Variants in NFIA observed in about 807,000 individuals in gnomAD.
NFIA encodes nuclear factor 1 A-type.
NFIA carries 8 observed loss-of-function variants against 62.8 expected under a neutral mutation model. The observed-to-expected ratio is 0.13, with a 90% CI of 0.07 to 0.23. The LOEUF (loss-of-function observed/expected upper bound fraction) is 0.23, where lower values mean the gene tolerates loss of function less well. Among genes scored for constraint, NFIA ranks in the 10% least tolerant of loss-of-function variants. The probability of loss-of-function intolerance (pLI) is 1.00; values close to 1 mark genes in which losing one functional copy is unlikely to be tolerated. For synonymous variants in NFIA, 235 were observed against 238.1 expected (o/e 0.99, Z 0.12); for missense variants, 410 against 642.1 (o/e 0.64, Z 3.91).
upstream of NFIA, chr1:61,077,660 C>A: frequency 1.4e-6 from 2 of 1,392,418 alleles, no homozygotes; most frequent in Middle Eastern, 1.9e-4. Flanking sequence ...TTCTATTTTG[C>A]ATTTATATGA....
chr1:61,121,541 G>A (rs545324329), intron 2 of NFIA, among the ~76,000 whole-genome samples: 4 of 152,230 alleles, frequency 2.6e-5, no homozygotes, highest in Admixed American at 2.0e-4. Flanking sequence ...TCTGGAATCA[G>A]TTTTTACTTC....
intron 3 of NFIA, among the ~76,000 whole-genome samples, chr1:61,284,048 C>G (rs531533297): frequency 6.6e-6 from 1 of 152,286 alleles, no homozygotes; most frequent in Non-Finnish European, 1.5e-5. Flanking sequence ...GCATGACTTT[C>G]TTTTACAATT....
chr1:61,182,215 GAGGA>G (rs1200227769), intron 2 of NFIA, among the ~76,000 whole-genome samples: 1 of 152,162 alleles, frequency 6.6e-6, no homozygotes, highest in Admixed American at 6.5e-5. Flanking sequence ...AGGGCAGCAG[GAGGA>G]AGCATCTTAG....
upstream of NFIA, among the ~76,000 whole-genome samples, chr1:61,081,314 C>A (rs905416339): frequency 1.3e-5 from 2 of 151,358 alleles, no homozygotes; most frequent in Non-Finnish European, 2.9e-5. Flanking sequence ...CTAAAAACCA[C>A]CCCCCTCTTT....
chr1:61,381,361 A>G (rs1664405086), intron 6 of NFIA, among the ~76,000 whole-genome samples: 1 of 152,130 alleles, frequency 6.6e-6, no homozygotes, highest in Admixed American at 6.5e-5. Flanking sequence ...ACCTTAGGTT[A>G]GGTTATCTTA....
intron 10 of NFIA, among the ~76,000 whole-genome samples, chr1:61,445,167 T>C (rs149392920): frequency 6.6e-6 from 1 of 152,348 alleles, no homozygotes; most frequent in East Asian, 1.9e-4. Flanking sequence ...GTTAGAATGA[T>C]ATTACCTCTC....
chr1:61,105,130 A>G (rs1395559240), intron 2 of NFIA, among the ~76,000 whole-genome samples: 1 of 151,966 alleles, frequency 6.6e-6, no homozygotes. Context: ...ATTTTCTTAT[A>G]TATCTTCTTG....
intron 2 of NFIA, among the ~76,000 whole-genome samples, chr1:61,243,869 G>A (rs1238937157): frequency 1.3e-5 from 2 of 152,122 alleles, no homozygotes; most frequent in Admixed American, 6.6e-5. Context: ...TCATTTTGCT[G>A]TTGTAGACAC....
intron 2 of NFIA, among the ~76,000 whole-genome samples, chr1:61,140,251 A>C (rs1290092977): frequency 1.3e-5 from 2 of 151,760 alleles, no homozygotes; most frequent in African/African-American, 2.4e-5. Flanking sequence ...TTACATACTG[A>C]TAGCTAAGTA....
chr1:61,427,917 T>C (rs1418468043), intron 10 of NFIA, among the ~76,000 whole-genome samples: 1 of 152,224 alleles, frequency 6.6e-6, no homozygotes, highest in Non-Finnish European at 1.5e-5. Flanking sequence ...ACTTTTCTGG[T>C]GAATTTGAAG....
At chr1:61,332,375 C>T in intron 3 of NFIA, 137 bp from the exon 4 acceptor site, 1 of 737,248 alleles carries the variant, frequency 1.4e-6, no homozygotes, top group Non-Finnish European at 2.2e-6. Context: ...TGTGCCCTCC[C>T]ACATAAACCC....
chr1:61,241,916 G>T (rs1288869172), intron 2 of NFIA, among the ~76,000 whole-genome samples: 1 of 152,098 alleles, frequency 6.6e-6, no homozygotes, highest in Non-Finnish European at 1.5e-5. Context: ...AAGGGGAAAA[G>T]CCTAGACAAG....
chr1:61,117,694 T>G (rs1289032643), intron 2 of NFIA, among the ~76,000 whole-genome samples: 1 of 152,232 alleles, frequency 6.6e-6, no homozygotes, highest in Non-Finnish European at 1.5e-5. Context: ...GATAATTTGG[T>G]GTCCTGACAG....
chr1:61,274,045 G>A (rs746690635), intron 2 of NFIA, among the ~76,000 whole-genome samples: 37 of 152,120 alleles, frequency 2.4e-4, no homozygotes, highest in East Asian at 1.9e-4. Context: ...CAAGGTTTCC[G>A]TTCTTGCATT....
At chr1:61,339,575 A>C (rs1195914229) in intron 4 of NFIA, among the ~76,000 whole-genome samples, 1 of 152,168 alleles carries the variant, frequency 6.6e-6, no homozygotes, top group African/African-American at 2.4e-5. Flanking sequence ...CCTCTACTAT[A>C]ATTCAATAAA....
At position 61,147,397 on chromosome 1, in the gene NFIA, C is replaced by T. The variant is rs1278470645; in HGVS notation, c.559+58717C>T. Among the ~76,000 whole-genome samples, 4 of 152,120 alleles carry T rather than the reference C, an allele frequency of 2.6e-5. No individual in the cohort carries two copies. In the South Asian group the frequency reaches 6.2e-4, roughly 24 times the overall value. ...AACTCCTGACCTCAAGTGATCTGCC[C>T]GCCTCGGCCTCCCGAAGTGCTAGGA... On this transcript the variant is annotated intron_variant, in intron 2 of 10. Coordinates refer to ENST00000403491, the MANE Select transcript of NFIA (RefSeq NM_001134673.4).
intron 2 of NFIA, among the ~76,000 whole-genome samples, chr1:61,205,013 G>C (rs1470265627): frequency 6.6e-6 from 1 of 152,152 alleles, no homozygotes; most frequent in Non-Finnish European, 1.5e-5. Flanking sequence ...GAACATGCTA[G>C]TATACACTGA....
intron 2 of NFIA, among the ~76,000 whole-genome samples, chr1:61,215,035 A>G: frequency 6.6e-6 from 1 of 152,262 alleles, no homozygotes; most frequent in African/African-American, 2.4e-5. Context: ...CTTCAACAAA[A>G]TAAGTGTCTG....
At chr1:61,268,662 C>T (rs1269986305) in intron 2 of NFIA, among the ~76,000 whole-genome samples, 1 of 152,068 alleles carries the variant, frequency 6.6e-6, no homozygotes, top group Admixed American at 6.6e-5. Context: ...TATTGACTTC[C>T]CTAATCCAGT....
Sources: gnomAD v4.1 joint callset for allele counts (sites outside exome capture counted in the v4.1 genomes callset) on GRCh38, gnomAD v4.1.1 for gene constraint, MANE v1.5 for transcripts, NCBI Gene and HGNC (gene_info 2026-07-23, HGNC 2026-07-21) for gene names.